TNKS: variants seen among roughly 807,000 people sequenced by gnomAD.
TNKS encodes the protein tankyrase.
In TNKS, 72 loss-of-function variants were observed where a neutral mutation model predicts 135.8. That is an observed-to-expected ratio of 0.53 (90% CI 0.44 to 0.64). The LOEUF (loss-of-function observed/expected upper bound fraction) is 0.64. Ranked by LOEUF, TNKS falls within the 30% of genes least tolerant of loss-of-function variation. The pLI is 0.00. For missense variants in TNKS, 1,769 were observed against 1,674.0 expected, an observed-to-expected ratio of 1.06 and a Z score of -0.99; for synonymous variants, 849 against 649.3, an observed-to-expected ratio of 1.31 and a Z score of -4.68.
chr8:9,579,213 C>T (rs1798071707), intron 1 of TNKS, among the ~76,000 whole-genome samples: 1 of 152,098 alleles, frequency 6.6e-6, no homozygotes, highest in African/African-American at 2.4e-5. Context: ...ACTCATTTGC[C>T]ATATCGTTTC....
chr8:9,683,155 T>G (rs1362861632), intron 5 of TNKS, among the ~76,000 whole-genome samples: 2 of 152,044 alleles, frequency 1.3e-5, no homozygotes, highest in Non-Finnish European at 2.9e-5. Flanking sequence ...TAATTCTTAT[T>G]AAATGTACCA....
intron 19 of TNKS, 53 bp downstream of exon 19, chr8:9,751,899 G>C: frequency 6.4e-7 from 1 of 1,550,712 alleles, no homozygotes; most frequent in East Asian, 2.3e-5. Flanking sequence ...TAGTGGAGCA[G>C]AATGACTTTT....
chr8:9,580,380 A>T lies in TNKS; in HGVS notation c.895A>T (p.Ile299Phe). The T allele has an allele frequency of 6.2e-6, 10 of 1,612,998 alleles. No homozygotes were observed. Among genetic ancestry groups the T allele is most frequent in the Non-Finnish European group, 7.6e-6 (9 of 1,179,148 alleles). ...TATTAAAGGGAAGATCGATGTGTGC[A>T]TTGGTAAGTATCATTTGATGATATC... ...AAIKGKIDVCIVLLQHGADPN... is the reference protein window; with the variant it reads ...AAIKGKIDVCFVLLQHGADPN... Residue 299 changes from isoleucine to phenylalanine, a missense_variant, in exon 2 of 27, where the codon ATT becomes TTT. Coordinates refer to ENST00000310430, the MANE Select transcript of TNKS (RefSeq NM_003747.3).
intron 2 of TNKS, among the ~76,000 whole-genome samples, chr8:9,597,218 C>A (rs1486186118): frequency 6.6e-6 from 1 of 152,208 alleles, no homozygotes; most frequent in African/African-American, 2.4e-5. Context: ...GTTGGCTCTA[C>A]TGCATAAAAT....
intron 3 of TNKS, among the ~76,000 whole-genome samples, chr8:9,668,672 T>G (rs1802119582): frequency 6.6e-6 from 1 of 152,236 alleles, no homozygotes; most frequent in East Asian, 1.9e-4. Context: ...TGTGTAAGTT[T>G]GGCCATATGT....
At chr8:9,590,031 G>C (rs1798533414) in intron 2 of TNKS, among the ~76,000 whole-genome samples, 1 of 152,206 alleles carries the variant, frequency 6.6e-6, no homozygotes, top group Non-Finnish European at 1.5e-5. Flanking sequence ...AATTTCAGGT[G>C]GTGACAGCAG....
At chr8:9,632,259 A>G (rs922681478) in intron 3 of TNKS, among the ~76,000 whole-genome samples, 1 of 152,218 alleles carries the variant, frequency 6.6e-6, no homozygotes, top group African/African-American at 2.4e-5. Context: ...GCTAATGTCA[A>G]GCTTCCCTAC....
intron 11 of TNKS, among the ~76,000 whole-genome samples, chr8:9,715,778 A>G (rs1415349882): frequency 6.6e-6 from 1 of 152,194 alleles, no homozygotes. Context: ...CTCATTTACT[A>G]GGAGTAAACT....
intron 3 of TNKS, among the ~76,000 whole-genome samples, chr8:9,628,246 C>T (rs1017288780): frequency 2.0e-5 from 3 of 152,268 alleles, no homozygotes; most frequent in Middle Eastern, 3.4e-3. Context: ...TTAGAGTATA[C>T]GGAACTGCCC....
Position 9,779,687 on chromosome 8 carries a change from G to GAGACC in TNKS, c.*2955_*2959dup, listed in dbSNP as rs1808381580. On this transcript the variant is annotated 3_prime_UTR_variant, in exon 27 of 27. Transcript: ENST00000310430. Reference sequence around the variant, plus strand: ...CTCCTCATCTTGGGTCTTAAAAAAGGAGACCAGATACCTCCTAGCTTTTGT... The same window carrying GAGACC: ...CTCCTCATCTTGGGTCTTAAAAAAGGAGACCAGACCAGATACCTCCTAGCTTTTGT... 1 of 152,162 alleles carries GAGACC rather than the reference G, an allele frequency of 6.6e-6. No individual in the cohort carries two copies. Among genetic ancestry groups the GAGACC allele is most frequent in the Non-Finnish European group, 1.5e-5 (1 of 68,036 alleles). The allele number at this position is 152,162 out of a possible 1,614,324, so 9.4% of individuals were successfully genotyped here.
intron 3 of TNKS, among the ~76,000 whole-genome samples, chr8:9,657,803 A>T (rs1380693776): frequency 6.7e-6 from 1 of 149,116 alleles, no homozygotes; most frequent in Non-Finnish European, 1.5e-5. Context: ...TCCCTCCCGG[A>T]TGGGGCGGCT....
intron 2 of TNKS, among the ~76,000 whole-genome samples, chr8:9,590,120 T>A (rs1439794252): frequency 6.6e-6 from 1 of 152,196 alleles, no homozygotes; most frequent in African/African-American, 2.4e-5. Flanking sequence ...TGTGCGTGTT[T>A]AAAAATGCTC....
intron 1 of TNKS, among the ~76,000 whole-genome samples, chr8:9,570,184 A>C (rs1287597079): frequency 6.6e-6 from 1 of 152,194 alleles, no homozygotes; most frequent in Non-Finnish European, 1.5e-5. Context: ...GTTCACTTGT[A>C]ATCCCAGCAC....
chr8:9,752,405 C>G (rs1806592739), intron 19 of TNKS, 139 bp from the exon 20 acceptor site: 4 of 566,004 alleles, frequency 7.1e-6, no homozygotes, highest in South Asian at 5.1e-5. Context: ...TAAATTAAAT[C>G]TGTGTATTCT....
At chr8:9,773,739 T>A (rs1013495575) in intron 26 of TNKS, among the ~76,000 whole-genome samples, 1 of 152,088 alleles carries the variant, frequency 6.6e-6, no homozygotes, top group African/African-American at 2.4e-5. Flanking sequence ...AAAAAATGCC[T>A]AAATAAAAAA....
intron 3 of TNKS, among the ~76,000 whole-genome samples, chr8:9,658,647 C>A (rs571896017): frequency 5.6e-4 from 85 of 152,308 alleles, no homozygotes; most frequent in Middle Eastern, 3.4e-3. Flanking sequence ...ATTGTAAAGA[C>A]CTTCAAGACT....
At chr8:9,592,401 T>C (rs1798620663) in intron 2 of TNKS, among the ~76,000 whole-genome samples, 1 of 152,222 alleles carries the variant, frequency 6.6e-6, no homozygotes, top group South Asian at 2.1e-4. Flanking sequence ...TTCCCGGTAT[T>C]AGGAGACAGG....
chr8:9,589,678 G>C (rs1435312292), intron 2 of TNKS, among the ~76,000 whole-genome samples: 1 of 152,236 alleles, frequency 6.6e-6, no homozygotes, highest in African/African-American at 2.4e-5. Context: ...CTATACATAG[G>C]AATCTACAAC....
intron 3 of TNKS, among the ~76,000 whole-genome samples, chr8:9,638,501 C>T (rs188832103): frequency 8.1e-4 from 124 of 152,296 alleles, no homozygotes; most frequent in African/African-American, 2.8e-3. Flanking sequence ...TGTATACATA[C>T]ATTTTACCTA....
Sources: gnomAD v4.1 joint callset for allele counts (sites outside exome capture counted in the v4.1 genomes callset) on GRCh38, gnomAD v4.1.1 for gene constraint, MANE v1.5 for transcripts, NCBI Gene and HGNC (gene_info 2026-07-23, HGNC 2026-07-21) for gene names.